The following MED22 variants were observed in gnomAD, a reference collection of about 807,000 sequenced individuals.
MED22 encodes the protein mediator of RNA polymerase II transcription subunit 22.
In MED22, 22 loss-of-function variants were observed where a neutral mutation model predicts 22.7. That is an observed-to-expected ratio of 0.97 (90% CI 0.69 to 1.38). MED22 has a LOEUF of 1.38. Among genes scored for constraint, MED22 ranks in the 40% most tolerant of loss-of-function variants. The pLI, the probability that MED22 is intolerant of heterozygous loss-of-function variation, is 0.00. For synonymous variants in MED22, 134 were observed against 119.4 expected (o/e 1.12, Z -0.80); for missense variants, 247 against 263.0 (o/e 0.94, Z 0.42).
intron 4 of MED22, 43 bp downstream of exon 4, chr9:133,344,082 G>C: frequency 6.2e-7 from 1 of 1,605,118 alleles, no homozygotes; most frequent in Non-Finnish European, 8.5e-7. Flanking sequence ...GGCCCAGGTA[G>C]GCAGGCTCCC....
rs1177436559 is a variant in MED22 at position 133,344,352 on chromosome 9, G to A, written c.205-19C>T. On this transcript the variant is annotated intron_variant, in intron 3 of 4. Coordinates refer to ENST00000343730, the MANE Select transcript of MED22 (RefSeq NM_133640.5). ...CTCGGACCTGTGGCCATCAGAACCAGGGCGGGCACAGGGTGAGGGGGGACA... is the reference window on the plus strand; with the variant it reads ...CTCGGACCTGTGGCCATCAGAACCAAGGCGGGCACAGGGTGAGGGGGGACA... 5.6e-6 allele frequency: 9 copies of A among 1,613,226 alleles called. No homozygotes were observed. Among genetic ancestry groups the A allele is most frequent in the Non-Finnish European group, 7.6e-6 (9 of 1,179,658 alleles).
chr9:133,343,382 A>G (rs1836071847), intron 4 of MED22: 1 of 1,229,528 alleles, frequency 8.1e-7, no homozygotes, highest in African/African-American at 1.6e-5. Flanking sequence ...CCCCCTAAGT[A>G]AATGATACGT....
chr9:133,339,176 A>G lies in MED22; in HGVS notation c.*2329T>C. On this transcript the variant is annotated 3_prime_UTR_variant, in exon 5 of 5. Coordinates refer to ENST00000343730, the MANE Select transcript of MED22 (RefSeq NM_133640.5). ...CAAATGTCACCATGGCTAGACTGGG[A>G]GAGTCTACAGTGTTCCCCAGCATGC... 2.9e-6 allele frequency: 2 copies of G among 687,494 alleles called. No homozygotes were observed. The highest frequency in any genetic ancestry group is 2.7e-6 in the Non-Finnish European group (1 of 369,156). The allele number at this position is 687,494 out of a possible 1,614,324, so 42.6% of individuals were successfully genotyped here. A position where few individuals can be genotyped will look rare whatever the true frequency, so the allele number is the denominator to read the frequency against.
chr9:133,339,234 A>G lies in MED22; in HGVS notation c.*2271T>C. ...ACTGTTGTAAACAAGTAAGGGCAAG[A>G]TTCTTGCCAAGAGAATGAATGTGCA... On this transcript the variant is annotated 3_prime_UTR_variant, in exon 5 of 5. Coordinates refer to ENST00000343730, the MANE Select transcript of MED22 (RefSeq NM_133640.5). The G allele has an allele frequency of 2.9e-6, 2 of 695,562 alleles. No individual in the cohort carries two copies. The highest frequency in any genetic ancestry group is 5.6e-5 in the East Asian group (2 of 35,568). The allele number at this position is 695,562 out of a possible 1,614,324, so 43.1% of individuals were successfully genotyped here. A position where few individuals can be genotyped will look rare whatever the true frequency, so the allele number is the denominator to read the frequency against.
chr9:133,342,044 A>C (rs2129951900), intron 4 of MED22: 1 of 1,107,124 alleles, frequency 9.0e-7, no homozygotes, highest in East Asian at 9.1e-5. Context: ...AAAAGCTGTC[A>C]GCCTGGCCAC....
At position 133,348,066 on chromosome 9, in the gene MED22, G is replaced by A; in HGVS notation, c.-183C>T. On this transcript the variant is annotated 5_prime_UTR_variant, in exon 1 of 5. Coordinates refer to ENST00000343730, the MANE Select transcript of MED22 (RefSeq NM_133640.5). Reference sequence around the variant, plus strand: ...CAGTCTCTCTTCCCCGCCGCGCCGCGGTCCGAAAACCTAGTCAGCCGCCGC... The same window carrying A: ...CAGTCTCTCTTCCCCGCCGCGCCGCAGTCCGAAAACCTAGTCAGCCGCCGC... 2.4e-6 allele frequency: 2 copies of A among 841,786 alleles called. No individual in the cohort carries two copies. Among genetic ancestry groups the A allele is most frequent in the South Asian group, 3.1e-5 (2 of 64,966 alleles). The allele number at this position is 841,786 out of a possible 1,614,324, so 52.1% of individuals were successfully genotyped here.
In MED22 at chr9:133,345,344, A is replaced by C; in HGVS notation, c.124-92T>G. On this transcript the variant is annotated intron_variant, in intron 2 of 4. Transcript: ENST00000343730. ...GCCCAGCTTACGGTAACTGTCATCT[A>C]CCCAGGATGTCCACACTGGCCACAA... 2.4e-6 allele frequency: 3 copies of C among 1,252,960 alleles called. No homozygotes were observed. In the Admixed American group the frequency reaches 5.8e-5, roughly 24 times the overall value. The allele number at this position is 1,252,960 out of a possible 1,614,324, so 77.6% of individuals were successfully genotyped here.
Position 133,346,522 on chromosome 9 carries a change from G to A in MED22, c.123+18C>T. 2 of 1,611,604 alleles carry A rather than the reference G, an allele frequency of 1.2e-6. No homozygotes were observed. Among genetic ancestry groups the A allele is most frequent in the African/African-American group, 2.7e-5 (2 of 74,938 alleles). On this transcript the variant is annotated intron_variant, in intron 2 of 4. Transcript: ENST00000343730. The stretch of plus-strand genomic sequence containing the variant: ...CTTCTCAGACTCTGCTCCCCTTGGT[G>A]GGCCACCCCACCCCCACCTTGGCGG...
At chr9:133,342,830 C>G (rs1836051559) in intron 4 of MED22, 1 of 985,530 alleles carries the variant, frequency 1.0e-6, no homozygotes, top group Non-Finnish European at 1.2e-6. Flanking sequence ...TTGCGCCCTG[C>G]TCTGCTGCAG....
intron 3 of MED22, among the ~76,000 whole-genome samples, chr9:133,344,932 G>A (rs1836137310): frequency 6.6e-6 from 1 of 152,174 alleles, no homozygotes; most frequent in Admixed American, 6.5e-5. Context: ...GTGGCTCTCT[G>A]CCCAGCCCTC....
At position 133,339,553 on chromosome 9, in the gene MED22, T is replaced by C. The variant is rs1835961799; in HGVS notation, c.*1952A>G. The C allele has an allele frequency of 2.0e-6, 1 of 511,384 alleles. No individual in the cohort carries two copies. The highest frequency in any genetic ancestry group is 3.2e-5 in the Admixed American group (1 of 31,734). The allele number at this position is 511,384 out of a possible 1,614,324, so 31.7% of individuals were successfully genotyped here. A position where few individuals can be genotyped will look rare whatever the true frequency, so the allele number is the denominator to read the frequency against. Reference sequence around the variant, plus strand: ...TATTTGGGGAACAACTGAAGAAATCTGAATACAGCTAGATACCAGAGGATA... The same window carrying C: ...TATTTGGGGAACAACTGAAGAAATCCGAATACAGCTAGATACCAGAGGATA... On this transcript the variant is annotated 3_prime_UTR_variant, in exon 5 of 5. Transcript: ENST00000343730.
chr9:133,342,574 G>A lies in MED22; in HGVS notation c.414-880C>T, dbSNP rs1280875490. Reference sequence around the variant, plus strand: ...AACAGGGCAGGGCAGGGCAGGGAGCGGAGCGCCCTTTGGGGGACCAGCAAG... The same window carrying A: ...AACAGGGCAGGGCAGGGCAGGGAGCAGAGCGCCCTTTGGGGGACCAGCAAG... On this transcript the variant is annotated intron_variant, in intron 4 of 4. Transcript: ENST00000343730. 1.5e-5 allele frequency: 15 copies of A among 986,446 alleles called. No homozygotes were observed. The East Asian group carries it at 3.4e-4, about 22-fold the overall frequency. The allele number at this position is 986,446 out of a possible 1,614,324, so 61.1% of individuals were successfully genotyped here.
Position 133,344,298 on chromosome 9 carries a change from G to C in MED22, c.240C>G (p.Ser80=), listed in dbSNP as rs2129961312. 5.6e-6 allele frequency: 9 copies of C among 1,614,046 alleles called. No homozygotes were observed. In the African/African-American group the frequency reaches 8.0e-5, roughly 14 times the overall value. ...TGAGGATCAGGAACTGCTTGAGGTC[G>C]GACACCAGCTTCATCAGGGACTCGC... ...RAGESLMKLV[S]DLKQFLILND... Residue 80 remains serine (S), a synonymous_variant, in exon 4 of 5, where the codon TCC becomes TCG. Coordinates refer to ENST00000343730, the MANE Select transcript of MED22 (RefSeq NM_133640.5).
At chr9:133,342,155 T>A in intron 4 of MED22, 2 of 996,516 alleles carry the variant, frequency 2.0e-6, no homozygotes, top group Non-Finnish European at 2.4e-6. Flanking sequence ...TGCCTGAGAC[T>A]TAGCCTGAAG....
In MED22 at chr9:133,346,657, G is replaced by A. The variant is rs143100103; in HGVS notation, c.6C>T (p.Ala2=). The change falls in exon 2 of 5, where the codon GCC becomes GCT. Residue 2 remains alanine, a synonymous_variant. Transcript: ENST00000343730. M[A]QQRALPQSKE... ...TGCTCTGGGGCAGGGCTCTCTGCTG[G>A]GCCATGGCCGAGCCTCAAGCAGCGC... 8.1e-6 allele frequency: 13 copies of A among 1,611,604 alleles called. No homozygotes were observed. The highest frequency in any genetic ancestry group is 1.1e-5 in the Non-Finnish European group (13 of 1,179,950).
Position 133,339,229 on chromosome 9 carries a change from G to A in MED22, c.*2276C>T. 2 of 694,492 alleles carry A rather than the reference G, an allele frequency of 2.9e-6. No homozygotes were observed. The highest frequency in any genetic ancestry group is 2.7e-5 in the South Asian group (2 of 72,918). 43.0% of individuals were successfully genotyped at this position (694,492 alleles called of 1,614,324 possible). ...TTGGCACTGTTGTAAACAAGTAAGGGCAAGATTCTTGCCAAGAGAATGAAT... is the reference window on the plus strand; with the variant it reads ...TTGGCACTGTTGTAAACAAGTAAGGACAAGATTCTTGCCAAGAGAATGAAT... On this transcript the variant is annotated 3_prime_UTR_variant, in exon 5 of 5. Transcript: ENST00000343730.
At chr9:133,343,542 C>T (rs2129957078) in intron 4 of MED22, 3 of 1,238,180 alleles carry the variant, frequency 2.4e-6, no homozygotes, top group East Asian at 3.1e-5. Context: ...GCTCCAGCTC[C>T]GTGGATAAGG....
Position 133,339,204 on chromosome 9 carries a change from T to A in MED22, c.*2301A>T, listed in dbSNP as rs923107155. 1 of 694,990 alleles carries A rather than the reference T, an allele frequency of 1.4e-6. No homozygotes were observed. Among genetic ancestry groups the A allele is most frequent in the Non-Finnish European group, 2.7e-6 (1 of 373,578 alleles). 43.1% of individuals were successfully genotyped at this position (694,990 alleles called of 1,614,324 possible). ...GTCTACAGTGTTCCCCAGCATGCTG[T>A]TGGCACTGTTGTAAACAAGTAAGGG... is the stretch of plus-strand genomic sequence containing the variant. On this transcript the variant is annotated 3_prime_UTR_variant, in exon 5 of 5. Coordinates refer to ENST00000343730, the MANE Select transcript of MED22 (RefSeq NM_133640.5).
In MED22 at chr9:133,338,587, T is replaced by G. The variant is rs1162740273; in HGVS notation, c.*2918A>C. 2 of 191,256 alleles carry G rather than the reference T, an allele frequency of 1.0e-5. No homozygotes were observed. Among genetic ancestry groups the G allele is most frequent in the Admixed American group, 1.1e-4 (2 of 18,222 alleles). The allele number at this position is 191,256 out of a possible 1,614,324, so 11.8% of individuals were successfully genotyped here. ...TCCCAAAGTGCTGGGATTACAGGCG[T>G]GAGCCACCGCGCCCGGCCAATTTCT... On this transcript the variant is annotated 3_prime_UTR_variant, in exon 5 of 5. Coordinates refer to ENST00000343730, the MANE Select transcript of MED22 (RefSeq NM_133640.5).
Sources: allele counts gnomAD v4.1 joint callset (sites outside exome capture counted in the v4.1 genomes callset), GRCh38; gene constraint gnomAD v4.1.1; transcripts MANE v1.5; gene names NCBI Gene and HGNC (gene_info 2026-07-23, HGNC 2026-07-21).